GRID1: variants seen among roughly 807,000 people sequenced by gnomAD.
GRID1 encodes the protein glutamate receptor ionotropic, delta-1.
GRID1 carries 28 observed loss-of-function variants against 98.0 expected under a neutral mutation model. The ratio of observed to expected loss-of-function variants is 0.29; its 90% CI spans 0.21 to 0.39. GRID1 has a LOEUF of 0.39. Ranked by LOEUF, GRID1 falls within the 10% of genes least tolerant of loss-of-function variation. The pLI is 1.00. For missense variants in GRID1, 1,111 were observed against 1,340.5 expected (o/e 0.83, Z 2.67); for synonymous variants, 553 against 538.5 (o/e 1.03, Z -0.37).
At chr10:86,291,376 T>C (rs1423623003) in intron 2 of GRID1, among the ~76,000 whole-genome samples, 1 of 152,054 alleles carries the variant, frequency 6.6e-6, no homozygotes, top group Non-Finnish European at 1.5e-5. Flanking sequence ...GAAGGGAAGC[T>C]GAGGAGCCCA....
intron 4 of GRID1, among the ~76,000 whole-genome samples, chr10:86,136,768 C>T (rs1269166703): frequency 1.3e-5 from 2 of 152,128 alleles, no homozygotes; most frequent in East Asian, 3.9e-4. Context: ...TGCCAACAAT[C>T]CCAGGGACTT....
intron 4 of GRID1, among the ~76,000 whole-genome samples, chr10:86,046,861 C>CAAA (rs199526669): frequency 4.6e-5 from 5 of 107,688 alleles, no homozygotes; most frequent in African/African-American, 1.8e-4. Context: ...AAGCCCATTT[C>CAAA]AAAAAAAAAA....
At chr10:85,627,432 G>A (rs190490447) in intron 13 of GRID1, among the ~76,000 whole-genome samples, 1 of 152,296 alleles carries the variant, frequency 6.6e-6, no homozygotes, top group Admixed American at 6.5e-5. Flanking sequence ...AAAAGAACCT[G>A]TTACACTAGA....
intron 12 of GRID1, among the ~76,000 whole-genome samples, chr10:85,714,805 A>T (rs1042945691): frequency 5.9e-5 from 9 of 152,090 alleles, no homozygotes; most frequent in African/African-American, 2.2e-4. Context: ...TACTATTAAT[A>T]TGTTAATACC....
chr10:86,062,322 G>A (rs1198486439), intron 4 of GRID1, among the ~76,000 whole-genome samples: 1 of 152,116 alleles, frequency 6.6e-6, no homozygotes, highest in East Asian at 1.9e-4. Context: ...AGGGTATGAT[G>A]GCCCAGCTCC....
intron 5 of GRID1, among the ~76,000 whole-genome samples, chr10:85,907,925 A>G (rs1446412933): frequency 6.6e-6 from 1 of 152,214 alleles, no homozygotes; most frequent in Non-Finnish European, 1.5e-5. Context: ...TGCAAAAAGA[A>G]AAACCATATG....
Position 86,363,609 on chromosome 10 carries a change from C to T in GRID1, c.235+332G>A, listed in dbSNP as rs560972262. Among the ~76,000 whole-genome samples the T allele has an allele frequency of 1.1e-4, 17 of 152,302 alleles. 1 individual carries two copies. Among genetic ancestry groups the T allele is most frequent in the African/African-American group, 4.1e-4 (17 of 41,584 alleles). ...CGCAGACACGCCCACCCCCAAACAC[C>T]GAGAAACAAAGACTGCCCCGAGCCA... is the stretch of plus-strand genomic sequence containing the variant. On this transcript the variant is annotated intron_variant, in intron 2 of 15. Transcript: ENST00000327946.
At position 86,296,907 on chromosome 10, in the gene GRID1, A is replaced by G. The variant is rs1847601763; in HGVS notation, c.235+67034T>C. Among the ~76,000 whole-genome samples, 4 of 152,338 alleles carry G rather than the reference A, an allele frequency of 2.6e-5. No individual in the cohort carries two copies. The South Asian group carries it at 8.3e-4, about 32-fold the overall frequency. Reference sequence around the variant, plus strand: ...ATGAACAAGAAGATCTCATTCACAGAAGCAACAAAGAGTATAACTATTTAG... The same window carrying G: ...ATGAACAAGAAGATCTCATTCACAGGAGCAACAAAGAGTATAACTATTTAG... On this transcript the variant is annotated intron_variant, in intron 2 of 15. Coordinates refer to ENST00000327946, the MANE Select transcript of GRID1 (RefSeq NM_017551.3).
chr10:85,854,518 G>A lies in GRID1; in HGVS notation c.1211C>T (p.Thr404Ile). 1.2e-6 allele frequency: 2 copies of A among 1,613,814 alleles called. No individual in the cohort carries two copies. The highest frequency in any genetic ancestry group is 1.7e-6 in the Non-Finnish European group (2 of 1,179,682). Residue 404 changes from threonine to isoleucine, a missense_variant, in exon 8 of 16, where the codon ACT (threonine) becomes ATT (isoleucine). Thr to Ile is a moderately conservative substitution (Grantham distance 89, BLOSUM62 -1). Coordinates refer to ENST00000327946, the MANE Select transcript of GRID1 (RefSeq NM_017551.3). The stretch of plus-strand genomic sequence containing the variant: ...TACCTTGCGCATGTCTTTGCCAAAA[G>A]TCTCACTATAGGTAGTGCCAAGGAT... Reference protein sequence around the residue: ...FEILGTTYSETFGKDMRKLAT... With the variant: ...FEILGTTYSEIFGKDMRKLAT...
chr10:85,603,163 G>T (rs1204053868), intron 15 of GRID1, among the ~76,000 whole-genome samples: 1 of 152,226 alleles, frequency 6.6e-6, no homozygotes, highest in Non-Finnish European at 1.5e-5. Flanking sequence ...CACAAAAGGA[G>T]GCTCAGGCTC....
At chr10:85,663,485 G>A (rs528704311) in intron 12 of GRID1, among the ~76,000 whole-genome samples, 2 of 152,180 alleles carry the variant, frequency 1.3e-5, no homozygotes, top group Non-Finnish European at 2.9e-5. Context: ...CCAGAACTGT[G>A]AGACAATAAA....
At chr10:86,057,524 T>G (rs1268017815) in intron 4 of GRID1, among the ~76,000 whole-genome samples, 1 of 152,192 alleles carries the variant, frequency 6.6e-6, no homozygotes, top group Non-Finnish European at 1.5e-5. Flanking sequence ...GTCTCAACCT[T>G]TGCCTACTCC....
intron 5 of GRID1, among the ~76,000 whole-genome samples, chr10:85,894,259 T>TA (rs1246846839): frequency 6.6e-6 from 1 of 151,924 alleles, no homozygotes; most frequent in Non-Finnish European, 1.5e-5. Context: ...AATAACTATA[T>TA]AAAAAAATAA....
At chr10:85,797,906 A>G (rs1256249440) in intron 8 of GRID1, among the ~76,000 whole-genome samples, 2 of 152,136 alleles carry the variant, frequency 1.3e-5, no homozygotes, top group African/African-American at 4.8e-5. Context: ...AAATGACATG[A>G]TTTCATTCTT....
chr10:86,214,583 A>T (rs752492349), intron 2 of GRID1, among the ~76,000 whole-genome samples: 1 of 152,122 alleles, frequency 6.6e-6, no homozygotes, highest in Non-Finnish European at 1.5e-5. Context: ...GCAAGAAACT[A>T]TGTAATCTGT....
chr10:85,632,339 A>G (rs2132536140), intron 13 of GRID1, among the ~76,000 whole-genome samples: 1 of 152,302 alleles, frequency 6.6e-6, no homozygotes, highest in East Asian at 1.9e-4. Context: ...AACAATCATG[A>G]CAATAAGCAC....
At chr10:86,332,208 A>T (rs556999443) in intron 2 of GRID1, among the ~76,000 whole-genome samples, 1 of 152,182 alleles carries the variant, frequency 6.6e-6, no homozygotes, top group Non-Finnish European at 1.5e-5. Context: ...GCTTCCTAAC[A>T]GCCCCTCCTT....
chr10:86,164,306 G>A (rs541275327), intron 3 of GRID1, among the ~76,000 whole-genome samples: 9 of 152,170 alleles, frequency 5.9e-5, no homozygotes, highest in Non-Finnish European at 1.2e-4. Context: ...CCATGGAGGT[G>A]AGCAAGATTC....
chr10:85,846,997 T>TG (rs1843012550), intron 8 of GRID1, among the ~76,000 whole-genome samples: 1 of 152,170 alleles, frequency 6.6e-6, no homozygotes, highest in African/African-American at 2.4e-5. Context: ...TCCCATGTTA[T>TG]GAAAAGAGCA....
Sources: allele counts gnomAD v4.1 joint callset (sites outside exome capture counted in the v4.1 genomes callset), GRCh38; gene constraint gnomAD v4.1.1; transcripts MANE v1.5; gene names NCBI Gene and HGNC (gene_info 2026-07-23, HGNC 2026-07-21).